The following ARHGAP6 variants were observed in gnomAD, a reference collection of about 807,000 sequenced individuals.
ARHGAP6 encodes the protein Rho GTPase activating protein 6, also known as rho GTPase-activating protein 6.
A neutral mutation model predicts 55.7 loss-of-function variants in ARHGAP6; 16 were observed. The ratio of observed to expected loss-of-function variants is 0.29; its 90% confidence interval spans 0.19 to 0.44. The LOEUF (loss-of-function observed/expected upper bound fraction) is 0.44. ARHGAP6 is among the 20% of genes least tolerant of loss of function. The pLI, the probability that ARHGAP6 is intolerant of heterozygous loss-of-function variation, is 1.00. For synonymous variants in ARHGAP6, 382 were observed against 360.9 expected (o/e 1.06, Z -0.66); for missense variants, 698 against 808.9 (o/e 0.86, Z 1.66).
rs1410967403 is a variant in ARHGAP6, at chrX:11,248,567, G to A, written c.748+5981C>T. Among the ~76,000 whole-genome samples, 7 of 111,202 alleles carry A rather than the reference G, an allele frequency of 6.3e-5. No homozygotes were observed. In the Admixed American group the frequency reaches 6.7e-4, roughly 11 times the overall value. On this transcript the variant is annotated intron_variant, in intron 2 of 12. Transcript: ENST00000337414. ...ATCTACAACAAACTCAAACACATTA[G>A]CAAGAAAAAAACAAACAATCCCATC...
chrX:11,278,486 C>T (rs2047808340), intron 1 of ARHGAP6, among the ~76,000 whole-genome samples: 1 of 111,771 alleles, frequency 8.9e-6, no homozygotes, highest in Non-Finnish European at 1.9e-5. Context: ...GCAGCTCTGT[C>T]AACACCTTGA....
intron 1 of ARHGAP6, among the ~76,000 whole-genome samples, chrX:11,321,571 T>C (rs1199217030): frequency 8.9e-6 from 1 of 111,935 alleles, no homozygotes; most frequent in Non-Finnish European, 1.9e-5. Context: ...GCCACACACA[T>C]ATACGCACAC....
chrX:11,439,974 C>T (rs761995300), intron 1 of ARHGAP6, among the ~76,000 whole-genome samples: 1 of 112,823 alleles, frequency 8.9e-6, no homozygotes, highest in African/African-American at 3.2e-5. Flanking sequence ...GGAAGCCACT[C>T]GCTTGCCTTG....
Position 11,174,573 on chromosome X carries a change from C to CTTT in ARHGAP6, c.1629+3526_1629+3527insAAA, listed in dbSNP as rs1555964685. On this transcript the variant is annotated intron_variant, in intron 8 of 12. Transcript: ENST00000337414. The stretch of plus-strand genomic sequence containing the variant: ...TCCTTCCTTCCTTCCTTCCTTCCTT[C>CTTT]CTTTCTTTCTTTCTTTCTTTTTCTT... Among the ~76,000 whole-genome samples the CTTT allele has an allele frequency of 2.4e-3, 101 of 42,282 alleles. 2 individuals are homozygous for CTTT. The highest frequency in any genetic ancestry group is 4.0e-3 in the African/African-American group (42 of 10,391). The allele number at this position is 42,282 out of a possible 115,157, so 36.7% of individuals were successfully genotyped here. A position where few individuals can be genotyped will look rare whatever the true frequency, so the allele number is the denominator to read the frequency against.
intron 1 of ARHGAP6, among the ~76,000 whole-genome samples, chrX:11,516,674 C>G (rs2050844469): frequency 8.9e-6 from 1 of 112,139 alleles, no homozygotes; most frequent in African/African-American, 3.2e-5. Context: ...AAACTGAGGA[C>G]TTGGGAGTTT....
At chrX:11,588,889 T>C (rs901047609) in intron 1 of ARHGAP6, among the ~76,000 whole-genome samples, 7 of 111,664 alleles carry the variant, frequency 6.3e-5, no homozygotes, top group Non-Finnish European at 1.3e-4. Context: ...ATCCCCTGAA[T>C]TGCATGCTTT....
intron 1 of ARHGAP6, among the ~76,000 whole-genome samples, chrX:11,553,507 T>A (rs748449635): frequency 1.1e-4 from 12 of 111,938 alleles, no homozygotes; most frequent in Non-Finnish European, 2.3e-4. Flanking sequence ...CCTCCCAAAT[T>A]GCTGGGATTA....
rs1437547664 is a variant in ARHGAP6, at chrX:11,193,230, G to A, written c.820+3695C>T. Among the ~76,000 whole-genome samples, 4 of 112,681 alleles carry A rather than the reference G, an allele frequency of 3.5e-5. No homozygotes were observed. The Admixed American group carries it at 3.7e-4, about 11-fold the overall frequency. On this transcript the variant is annotated intron_variant, in intron 3 of 12. Coordinates refer to ENST00000337414, the MANE Select transcript of ARHGAP6 (RefSeq NM_013427.3). ...TGAATCACTATTGGGAGAGCAATTC[G>A]ATTCTAAAAGGCTGCTTCTATTTAT...
At chrX:11,354,291 C>T (rs866168183) in intron 1 of ARHGAP6, among the ~76,000 whole-genome samples, 15 of 70,839 alleles carry the variant, frequency 2.1e-4, no homozygotes, top group African/African-American at 5.5e-4. Context: ...CTCTCTCTCT[C>T]TCTTTCTCTC....
chrX:11,635,217 ACGG>A (rs2052404730), intron 1 of ARHGAP6, among the ~76,000 whole-genome samples: 1 of 112,150 alleles, frequency 8.9e-6, no homozygotes, highest in East Asian at 2.8e-4. Flanking sequence ...AGCAAGTTAT[ACGG>A]AGGGGATTAC....
intron 1 of ARHGAP6, among the ~76,000 whole-genome samples, chrX:11,583,650 C>A (rs1031696400): frequency 5.4e-5 from 6 of 111,643 alleles, no homozygotes; most frequent in African/African-American, 1.9e-4. Context: ...CAAAGCTAAG[C>A]AAATAGAAAA....
At chrX:11,348,824 T>A (rs2048820561) in intron 1 of ARHGAP6, among the ~76,000 whole-genome samples, 1 of 110,367 alleles carries the variant, frequency 9.1e-6, no homozygotes, top group Non-Finnish European at 1.9e-5. Flanking sequence ...TAAAAAAAGT[T>A]TTTTTTAAGA....
At chrX:11,277,195 A>G (rs1170186432) in intron 1 of ARHGAP6, among the ~76,000 whole-genome samples, 1 of 111,927 alleles carries the variant, frequency 8.9e-6, no homozygotes, top group African/African-American at 3.2e-5. Flanking sequence ...TCCACGTTGT[A>G]GCATGTGTCA....
chrX:11,209,330 A>G (rs1188703424), intron 2 of ARHGAP6, among the ~76,000 whole-genome samples: 1 of 110,916 alleles, frequency 9.0e-6, no homozygotes, highest in Admixed American at 9.6e-5. Context: ...TTTTTGGGAG[A>G]GATGGGGTTT....
chrX:11,145,223 A>T (rs1837196359), intron 10 of ARHGAP6: 1 of 112,043 alleles, frequency 8.9e-6, no homozygotes, highest in Admixed American at 9.5e-5. Flanking sequence ...TTTTGGCTTA[A>T]TTTTTCAAAA....
intron 1 of ARHGAP6, among the ~76,000 whole-genome samples, chrX:11,506,521 C>T (rs929132903): frequency 9.0e-6 from 1 of 110,896 alleles, no homozygotes; most frequent in Non-Finnish European, 1.9e-5. Flanking sequence ...ATAGTTTGCT[C>T]AGAATGATGG....
intron 1 of ARHGAP6, among the ~76,000 whole-genome samples, chrX:11,441,799 T>C (rs985649773): frequency 7.2e-5 from 8 of 110,919 alleles, no homozygotes; most frequent in East Asian, 5.6e-4. Context: ...GGAGGCTGCA[T>C]TGAGATCACC....
At chrX:11,242,911 C>T (rs1244395429) in intron 2 of ARHGAP6, among the ~76,000 whole-genome samples, 1 of 111,581 alleles carries the variant, frequency 9.0e-6, no homozygotes, top group African/African-American at 3.3e-5. Context: ...AAAGATGATG[C>T]AATTAAATGA....
At chrX:11,358,202 C>T (rs779619614) in intron 1 of ARHGAP6, among the ~76,000 whole-genome samples, 9 of 111,827 alleles carry the variant, frequency 8.0e-5, no homozygotes, top group South Asian at 3.7e-4. Context: ...CATGTGTTGT[C>T]GCAGGAATCA....
Sources: gnomAD v4.1 joint callset for allele counts (sites outside exome capture counted in the v4.1 genomes callset) on GRCh38, gnomAD v4.1.1 for gene constraint, MANE v1.5 for transcripts, NCBI Gene and HGNC (gene_info 2026-07-23, HGNC 2026-07-21) for gene names.